LPP: variants seen among roughly 807,000 people sequenced by gnomAD.
LPP encodes the protein LIM domain containing preferred translocation partner in lipoma, also known as lipoma-preferred partner.
Under a neutral mutation model 60.4 loss-of-function variants are expected in LPP, and 38 were observed. That is an observed-to-expected ratio of 0.63 (90% CI 0.49 to 0.83). The LOEUF (loss-of-function observed/expected upper bound fraction) is 0.83, where lower values mean the gene tolerates loss of function less well. Among genes scored for constraint, LPP ranks in the 40% least tolerant of loss-of-function variants. The probability of loss-of-function intolerance (pLI) is 0.00; values close to 1 mark genes in which losing one functional copy is unlikely to be tolerated. For synonymous variants in LPP, 328 were observed against 290.8 expected (o/e 1.13, Z -1.30); for missense variants, 902 against 783.6 (o/e 1.15, Z -1.80).
intron 2 of LPP, among the ~76,000 whole-genome samples, chr3:188,314,619 G>C (rs765469051): frequency 6.7e-6 from 1 of 149,986 alleles, no homozygotes; most frequent in Non-Finnish European, 1.5e-5. Context: ...GTGTGTGATC[G>C]AGACCATCCT....
intron 7 of LPP, among the ~76,000 whole-genome samples, chr3:188,634,959 A>G (rs1319161091): frequency 6.6e-6 from 1 of 152,160 alleles, no homozygotes; most frequent in Non-Finnish European, 1.5e-5. Context: ...GTTGGGGACC[A>G]CTGGCATCGA....
At chr3:188,696,696 G>C (rs1863315815) in intron 7 of LPP, among the ~76,000 whole-genome samples, 1 of 152,214 alleles carries the variant, frequency 6.6e-6, no homozygotes, top group South Asian at 2.1e-4. Context: ...TTGGTAAGCT[G>C]TGGATGTGGG....
chr3:188,640,710 C>T (rs939673193), intron 7 of LPP, among the ~76,000 whole-genome samples: 2 of 151,588 alleles, frequency 1.3e-5, no homozygotes, highest in African/African-American at 2.4e-5. Context: ...CCATATAGCT[C>T]TTTTGGAATT....
At chr3:188,268,920 T>A (rs1736613284) in intron 2 of LPP, among the ~76,000 whole-genome samples, 1 of 123,960 alleles carries the variant, frequency 8.1e-6, no homozygotes, top group South Asian at 2.6e-4. Context: ...AATTATTATG[T>A]CCAGTTTGTT....
At chr3:188,634,633 G>A (rs555697900) in intron 7 of LPP, among the ~76,000 whole-genome samples, 24 of 152,252 alleles carry the variant, frequency 1.6e-4, no homozygotes, top group East Asian at 5.8e-4. Context: ...TCATAGGAGC[G>A]TGAACCCTAT....
intron 3 of LPP, among the ~76,000 whole-genome samples, chr3:188,386,102 T>A (rs1304158261): frequency 1.3e-5 from 2 of 151,992 alleles, no homozygotes; most frequent in Admixed American, 6.6e-5. Flanking sequence ...GTATGAGAAA[T>A]GATTGATGTG....
chr3:188,671,440 A>C (rs1485511400), intron 7 of LPP, among the ~76,000 whole-genome samples: 2 of 152,186 alleles, frequency 1.3e-5, no homozygotes, highest in Non-Finnish European at 2.9e-5. Context: ...ATTTATTTAA[A>C]TTGAAACCAA....
At chr3:188,853,224 T>C (rs889487082) in intron 9 of LPP, among the ~76,000 whole-genome samples, 5 of 152,158 alleles carry the variant, frequency 3.3e-5, no homozygotes, top group African/African-American at 1.2e-4. Context: ...GGCAGTTGCA[T>C]AGGTTCTCCC....
intron 5 of LPP, among the ~76,000 whole-genome samples, chr3:188,519,870 C>G (rs1818393460): frequency 6.6e-6 from 1 of 152,164 alleles, no homozygotes; most frequent in Non-Finnish European, 1.5e-5. Context: ...TAAATAAATA[C>G]AAATGAATGC....
At chr3:188,633,186 C>G (rs1848148920) in intron 7 of LPP, among the ~76,000 whole-genome samples, 1 of 152,172 alleles carries the variant, frequency 6.6e-6, no homozygotes, top group Non-Finnish European at 1.5e-5. Context: ...TACTTGAGAA[C>G]AGGGAACTGT....
intron 6 of LPP, among the ~76,000 whole-genome samples, chr3:188,557,949 G>C (rs1459602678): frequency 6.6e-6 from 1 of 151,864 alleles, no homozygotes; most frequent in African/African-American, 2.4e-5. Context: ...TGAGCAGAAA[G>C]CATGGATGTT....
chr3:188,482,924 T>C (rs958230371), intron 4 of LPP, among the ~76,000 whole-genome samples: 1 of 152,176 alleles, frequency 6.6e-6, no homozygotes, highest in African/African-American at 2.4e-5. Context: ...GAAATGAAGA[T>C]GGTTGGAGTT....
chr3:188,326,711 G>T (rs1173703612), intron 2 of LPP, among the ~76,000 whole-genome samples: 1 of 152,024 alleles, frequency 6.6e-6, no homozygotes, highest in African/African-American at 2.4e-5. Context: ...TTAATGATTA[G>T]TTTCTTTATA....
At chr3:188,757,438 A>G (rs988117595) in intron 8 of LPP, among the ~76,000 whole-genome samples, 1 of 152,194 alleles carries the variant, frequency 6.6e-6, no homozygotes, top group African/African-American at 2.4e-5. Flanking sequence ...TCCATAAGCC[A>G]TGTAGGCTCA....
Position 188,502,220 on chromosome 3 carries a change from CTA to C in LPP, c.306+17518_306+17519del, listed in dbSNP as rs556039369. Among the ~76,000 whole-genome samples, 36 of 152,244 alleles carry C rather than the reference CTA, an allele frequency of 2.4e-4. 1 individual carries two copies. Among genetic ancestry groups the C allele is most frequent in the African/African-American group, 7.5e-4 (31 of 41,558 alleles). On this transcript the variant is annotated intron_variant, in intron 5 of 11. Coordinates refer to ENST00000617246, the MANE Select transcript of LPP (RefSeq NM_001375462.1). ...TGTTAAAAGTTGGACGTTGAAATCT[CTA>C]TTATTATACAACTGTCTATTTCTTC...
intron 5 of LPP, among the ~76,000 whole-genome samples, chr3:188,485,370 A>G (rs1424891604): frequency 1.3e-5 from 2 of 152,234 alleles, no homozygotes; most frequent in Admixed American, 1.3e-4. Flanking sequence ...GAAGTGCTTT[A>G]TGTCAAGAAG....
intron 6 of LPP, among the ~76,000 whole-genome samples, chr3:188,532,627 C>T (rs1822501912): frequency 6.6e-6 from 1 of 152,164 alleles, no homozygotes; most frequent in Admixed American, 6.5e-5. Flanking sequence ...CCTGAGGTCC[C>T]CTCTCTGAAA....
rs371273865 is a variant in LPP, at chr3:188,674,700, A to G, written c.1114-33567A>G. On this transcript the variant is annotated intron_variant, in intron 7 of 11. Transcript: ENST00000617246. ...ATAACCCTGCTAGATAAGGTTTACC[A>G]TCTCATTTTGCAATGTGGAATCTGG... 5.9e-5 allele frequency among the ~76,000 whole-genome samples: 9 copies of G among 152,308 alleles called. 1 individual carries two copies. Among genetic ancestry groups the G allele is most frequent in the Admixed American group, 2.0e-4 (3 of 15,298 alleles).
At chr3:188,590,469 G>C (rs1244549746) in intron 6 of LPP, among the ~76,000 whole-genome samples, 1 of 152,098 alleles carries the variant, frequency 6.6e-6, no homozygotes, top group Non-Finnish European at 1.5e-5. Flanking sequence ...AGGTACTCAG[G>C]AGGTTGAGGC....
Sources: allele counts gnomAD v4.1 joint callset (sites outside exome capture counted in the v4.1 genomes callset), GRCh38; gene constraint gnomAD v4.1.1; transcripts MANE v1.5; gene names NCBI Gene and HGNC (gene_info 2026-07-23, HGNC 2026-07-21).